The following TAF1 variants were observed in gnomAD, a reference collection of about 807,000 sequenced individuals.
The protein encoded by TAF1 is transcription initiation factor TFIID subunit 1.
Under a neutral mutation model 138.5 loss-of-function variants are expected in TAF1, and 2 were observed. That is an observed-to-expected ratio of 0.01 (90% CI 0.01 to 0.05). The LOEUF (loss-of-function observed/expected upper bound fraction) is 0.05. Among genes scored for constraint, TAF1 ranks in the 10% least tolerant of loss-of-function variants. The probability of loss-of-function intolerance (pLI) is 1.00; values close to 1 mark genes in which losing one functional copy is unlikely to be tolerated. For synonymous variants in TAF1, 437 were observed against 503.2 expected, an observed-to-expected ratio of 0.87 and a Z score of 1.76; for missense variants, 709 against 1,478.0, an observed-to-expected ratio of 0.48 and a Z score of 8.53.
intron 13 of TAF1, among the ~76,000 whole-genome samples, chrX:71,483,776 CTCTCTATATA>C (rs1469847684): frequency 1.6e-5 from 1 of 63,590 alleles, no homozygotes; most frequent in African/African-American, 7.0e-5. Context: ...CTCTCTCTCT[CTCTCTATATA>C]TATATATATA....
At chrX:71,405,218 C>T (rs1199254629) in intron 25 of TAF1, among the ~76,000 whole-genome samples, 1 of 111,492 alleles carries the variant, frequency 9.0e-6, no homozygotes, top group Non-Finnish European at 1.9e-5. Flanking sequence ...CTCGGCCTCC[C>T]AAAGTGCTGG....
chrX:71,408,127 G>A lies in TAF1; in HGVS notation c.4360G>A (p.Val1454Met). ...GTTCAGAGAGCATCTGGAGCTAATT[G>A]TGAAAAATAGTGCAACCTACAATGG... ...EEFREHLELI[V>M]KNSATYNGPK... The change falls in exon 28 of 38, where the codon GTG (valine) becomes ATG (methionine). Residue 1454 changes from valine (V) to methionine (M), a missense_variant. Around this residue, in one of 14 missense-constraint regions of TAF1, gnomAD observed 63 missense variants for 163.3 expected, o/e 0.39. Transcript: ENST00000423759. 1 of 1,211,174 alleles carries A rather than the reference G, an allele frequency of 8.3e-7. No individual in the cohort carries two copies. The highest frequency in any genetic ancestry group is 3.0e-5 in the East Asian group (1 of 33,827).
intron 32 of TAF1, among the ~76,000 whole-genome samples, chrX:71,453,053 AAGAGAG>A (rs887660657): frequency 1.8e-5 from 2 of 110,157 alleles, no homozygotes; most frequent in Admixed American, 9.6e-5. Flanking sequence ...AGACCGTGGA[AAGAGAG>A]GGAGAGGGAG....
chrX:71,424,269 A>T lies in TAF1; in HGVS notation c.4753+31A>T, dbSNP rs190401007. On this transcript the variant is annotated intron_variant, in intron 32 of 37. Coordinates refer to ENST00000423759, the MANE Select transcript of TAF1 (RefSeq NM_004606.5). ...TATTTCTCATTATTTTCTTTCCATG[A>T]ATCCGTCCATCTTCTATCCATCTAA... The T allele has an allele frequency of 1.2e-4, 142 of 1,136,896 alleles. No individual in the cohort carries two copies. In the Admixed American group the frequency reaches 3.6e-3, roughly 29 times the overall value. The allele number at this position is 1,136,896 out of a possible 1,213,427, so 93.7% of individuals were successfully genotyped here.
chrX:71,389,318 G>C (rs1488206081), intron 17 of TAF1, among the ~76,000 whole-genome samples: 1 of 111,860 alleles, frequency 8.9e-6, no homozygotes, highest in Non-Finnish European at 1.9e-5. Context: ...CTGTCCCACT[G>C]AGTTAATGAG....
chrX:71,417,006 C>A (rs2036047105), intron 28 of TAF1, among the ~76,000 whole-genome samples: 1 of 97,559 alleles, frequency 1.0e-5, no homozygotes. Context: ...AGTGACAGAG[C>A]CAGACCCTGT....
chrX:71,420,021 TC>T, intron 28 of TAF1: 2 of 301,694 alleles, frequency 6.6e-6, no homozygotes, highest in Non-Finnish European at 1.2e-5. Flanking sequence ...TTTTTTTAAT[TC>T]TTTTTTTTTT....
chrX:71,437,910 A>C (rs1279488410), intron 32 of TAF1, among the ~76,000 whole-genome samples: 1 of 94,196 alleles, frequency 1.1e-5, no homozygotes, highest in East Asian at 3.3e-4. Context: ...ATCTTGGCTT[A>C]CTGCAACCTC....
chrX:71,382,396 T>C (rs867631591), intron 9 of TAF1, 140 bp from the exon 10 acceptor site: 1 of 727,982 alleles, frequency 1.4e-6, no homozygotes, highest in Non-Finnish European at 1.9e-6. Flanking sequence ...AGAAGTTACC[T>C]GGGGGGGGGT....
At chrX:71,481,657 A>G (rs999044386) in intron 13 of TAF1, among the ~76,000 whole-genome samples, 5 of 111,815 alleles carry the variant, frequency 4.5e-5, no homozygotes, top group Admixed American at 3.8e-4. Flanking sequence ...TCCCAGGTTC[A>G]AGTGATTCTC....
At chrX:71,375,419 G>T (rs73217060) in intron 4 of TAF1, 133 bp downstream of exon 4, 1 of 841,008 alleles carries the variant, frequency 1.2e-6, no homozygotes. Context: ...TCATACAATC[G>T]CAAATTTTAG....
intron 2 of TAF1, 144 bp downstream of exon 2, chrX:71,367,757 G>C (rs775389369): frequency 2.9e-6 from 2 of 687,874 alleles, no homozygotes; most frequent in Admixed American, 7.6e-5. Flanking sequence ...TGCAGCCTCC[G>C]CCACCCGGGT....
intron 3 of TAF1, among the ~76,000 whole-genome samples, chrX:71,374,118 G>A (rs756131734): frequency 5.5e-5 from 6 of 108,285 alleles, no homozygotes; most frequent in Non-Finnish European, 1.1e-4. Flanking sequence ...CAGTTTCACT[G>A]TGTCGCCCAG....
At chrX:71,529,414 T>C (rs1247229548) in intron 14 of TAF1, 3 of 178,308 alleles carry the variant, frequency 1.7e-5, no homozygotes, top group Non-Finnish European at 3.1e-5. Flanking sequence ...TACAATCCTT[T>C]AGCTAAACAC....
intron 21 of TAF1, 99 bp downstream of exon 21, chrX:71,393,575 A>C (rs1389772302): frequency 5.0e-6 from 5 of 994,831 alleles, no homozygotes; most frequent in Non-Finnish European, 6.6e-6. Flanking sequence ...AAGTTTGACT[A>C]CCTAGGTAGT....
chrX:71,403,801 T>G (rs2035305779), intron 25 of TAF1, among the ~76,000 whole-genome samples: 2 of 111,244 alleles, frequency 1.8e-5, no homozygotes, highest in South Asian at 7.6e-4. Flanking sequence ...ATTCTGAAAT[T>G]CTTTCCTTTG....
chrX:71,501,912 G>A (rs756546597), intron 13 of TAF1, among the ~76,000 whole-genome samples: 39 of 111,502 alleles, frequency 3.5e-4, no homozygotes, highest in South Asian at 7.6e-4. Flanking sequence ...CATCTGGGTC[G>A]CCAGGATGTG....
intron 8 of TAF1, among the ~76,000 whole-genome samples, chrX:71,379,642 G>C (rs1032303198): frequency 2.5e-5 from 2 of 80,954 alleles, no homozygotes; most frequent in Non-Finnish European, 4.5e-5. Flanking sequence ...TTGCTCTGTT[G>C]CCTGGGCCGG....
Position 71,377,714 on chromosome X carries a change from A to G in TAF1, c.826A>G (p.Ile276Val). 1 of 1,211,726 alleles carries G rather than the reference A, an allele frequency of 8.3e-7. No homozygotes were observed. Among genetic ancestry groups the G allele is most frequent in the Non-Finnish European group, 1.1e-6 (1 of 895,460 alleles). Reference sequence around the variant, plus strand: ...CCGTGAGCTGATACAGGAAGAGCAGATCCAGGAGGTGGAGTGCTCAGTAGA... The same window carrying G: ...CCGTGAGCTGATACAGGAAGAGCAGGTCCAGGAGGTGGAGTGCTCAGTAGA... ...KHRELIQEEQIQEVECSVESE... is the reference protein window; with the variant it reads ...KHRELIQEEQVQEVECSVESE... The change falls in exon 6 of 38, where the codon ATC (isoleucine) becomes GTC (valine). Residue 276 changes from isoleucine to valine, a missense_variant. Physicochemically the swap from Ile to Val is conservative, Grantham distance 29. This residue lies in a region of TAF1 where 26 missense variants were observed against 20.9 expected (regional missense o/e 1.25). Coordinates refer to ENST00000423759, the MANE Select transcript of TAF1 (RefSeq NM_004606.5).
Sources: allele counts gnomAD v4.1 joint callset (sites outside exome capture counted in the v4.1 genomes callset), GRCh38; gene constraint gnomAD v4.1.1; regional missense constraint gnomAD v4.1.1; transcripts MANE v1.5; gene names NCBI Gene and HGNC (gene_info 2026-07-23, HGNC 2026-07-21).